The following ASF1B variants were observed in gnomAD, a reference collection of about 807,000 sequenced individuals.
The protein encoded by ASF1B is histone chaperone ASF1B.
In ASF1B, 10 loss-of-function variants were observed where a neutral mutation model predicts 16.6. That is an observed-to-expected ratio of 0.60 (90% CI 0.37 to 1.02). ASF1B has a LOEUF of 1.02. Ranked by LOEUF, ASF1B falls within the 50% of genes least tolerant of loss-of-function variation. The probability of loss-of-function intolerance (pLI) is 0.01; values close to 1 mark genes in which losing one functional copy is unlikely to be tolerated. For missense variants in ASF1B, 240 were observed against 266.0 expected, an observed-to-expected ratio of 0.90 and a Z score of 0.68; for synonymous variants, 101 against 106.2, an observed-to-expected ratio of 0.95 and a Z score of 0.30.
At chr19:14,134,651 G>C (rs192016560) in intron 1 of ASF1B, among the ~76,000 whole-genome samples, 11 of 152,288 alleles carry the variant, frequency 7.2e-5, no homozygotes, top group Non-Finnish European at 1.5e-4. Context: ...TTTTGGATTT[G>C]TACAGGCCTT....
chr19:14,125,026 G>T (rs187236301), intron 2 of ASF1B, among the ~76,000 whole-genome samples: 1 of 152,136 alleles, frequency 6.6e-6, no homozygotes, highest in South Asian at 2.1e-4. Flanking sequence ...GAGTGCACTG[G>T]TGCGATCTCA....
At chr19:14,134,386 C>T (rs1347941403) in intron 1 of ASF1B, among the ~76,000 whole-genome samples, 1 of 152,082 alleles carries the variant, frequency 6.6e-6, no homozygotes, top group African/African-American at 2.4e-5. Flanking sequence ...CACTGGCCTA[C>T]CCAAAGCACA....
chr19:14,133,486 GGT>G (rs1967437544), intron 1 of ASF1B, among the ~76,000 whole-genome samples: 1 of 151,818 alleles, frequency 6.6e-6, no homozygotes, highest in Admixed American at 6.6e-5. Flanking sequence ...TGGCCAAGAT[GGT>G]GAAACCCCGT....
At chr19:14,128,731 A>G (rs1176219853) in intron 1 of ASF1B, among the ~76,000 whole-genome samples, 2 of 152,166 alleles carry the variant, frequency 1.3e-5, no homozygotes, top group African/African-American at 4.8e-5. Flanking sequence ...AAGTGCTGGA[A>G]TTTGTCTGAG....
In ASF1B at chr19:14,119,986, C is replaced by T. The variant is rs1473832149; in HGVS notation, c.*473G>A. The stretch of plus-strand genomic sequence containing the variant: ...CAGAAATGGGATCTAAGTCTACCTA[C>T]TAACTAACATTCCCGCCTGTGACAC... On this transcript the variant is annotated 3_prime_UTR_variant, in exon 4 of 4. Transcript: ENST00000263382. 6.4e-6 allele frequency: 1 copy of T among 156,092 alleles called. No homozygotes were observed. Among genetic ancestry groups the T allele is most frequent in the Admixed American group, 6.5e-5 (1 of 15,312 alleles). 9.7% of individuals were successfully genotyped at this position (156,092 alleles called of 1,614,324 possible).
intron 2 of ASF1B, among the ~76,000 whole-genome samples, chr19:14,123,688 TAA>T (rs977498007): frequency 6.6e-6 from 1 of 152,072 alleles, no homozygotes; most frequent in African/African-American, 2.4e-5. Context: ...CTTCTTTTTT[TAA>T]AGAGATAGCT....
chr19:14,134,069 G>T (rs1317175595), intron 1 of ASF1B, among the ~76,000 whole-genome samples: 1 of 152,034 alleles, frequency 6.6e-6, no homozygotes, highest in Non-Finnish European at 1.5e-5. Context: ...CTCCCAAAGT[G>T]CTGGGATTAC....
chr19:14,120,574 G>C lies in ASF1B; in HGVS notation c.494C>G (p.Thr165Ser), dbSNP rs1967219711. 6.2e-7 allele frequency: 1 copy of C among 1,613,988 alleles called. No individual in the cohort carries two copies. Among genetic ancestry groups the C allele is most frequent in the African/African-American group, 1.3e-5 (1 of 74,904 alleles). Reference sequence around the variant, plus strand: ...GCCGCAGCCCAGGGAGGGGTCCTGGGTCTCTATGGCCTCCAGCCTGTCCAT... The same window carrying C: ...GCCGCAGCCCAGGGAGGGGTCCTGGCTCTCTATGGCCTCCAGCCTGTCCAT... The part of the protein sequence containing the change: ...NNMDRLEAIE[T>S]QDPSLGCGLP... Residue 165 changes from threonine to serine, a missense_variant, in exon 4 of 4, where the codon ACC becomes AGC. Thr to Ser is a moderately conservative substitution (Grantham distance 58, BLOSUM62 1). Transcript: ENST00000263382.
chr19:14,121,616 G>A lies in ASF1B; in HGVS notation c.318C>T (p.Phe106=), dbSNP rs1967238890. The A allele has an allele frequency of 6.2e-7, 1 of 1,613,920 alleles. No homozygotes were observed. The highest frequency in any genetic ancestry group is 1.3e-5 in the African/African-American group (1 of 74,878). ...LITCTYHGQE[F]IRVGYYVNNE... is the part of the protein sequence containing the mutation. ...TGTTGACGTAGTAGCCCACTCGGAT[G>A]AACTCCTGTCCATGGTAGGTGCAGG... Residue 106 remains phenylalanine, a synonymous_variant, in exon 3 of 4, where the codon TTC becomes TTT. Transcript: ENST00000263382.
intron 1 of ASF1B, among the ~76,000 whole-genome samples, chr19:14,128,328 C>T (rs927789325): frequency 6.6e-6 from 1 of 152,210 alleles, no homozygotes; most frequent in African/African-American, 2.4e-5. Context: ...GGCTTGTCAC[C>T]TGAGCCCCAT....
intron 1 of ASF1B, among the ~76,000 whole-genome samples, chr19:14,126,889 G>A (rs992667032): frequency 6.6e-6 from 1 of 152,188 alleles, no homozygotes; most frequent in Admixed American, 6.6e-5. Flanking sequence ...TTACAGGTGT[G>A]AGCCACTGCG....
At position 14,120,427 on chromosome 19, in the gene ASF1B, C is replaced by T. The variant is rs752467925; in HGVS notation, c.*32G>A. ...TCGCTGGGAGGCCTGGTTGCCCCTCCCGGCGTGCTGGGACACTCTGGGTTC... is the reference window on the plus strand; with the variant it reads ...TCGCTGGGAGGCCTGGTTGCCCCTCTCGGCGTGCTGGGACACTCTGGGTTC... On this transcript the variant is annotated 3_prime_UTR_variant, in exon 4 of 4. Transcript: ENST00000263382. 6.2e-7 allele frequency: 1 copy of T among 1,607,920 alleles called. No individual in the cohort carries two copies. The highest frequency in any genetic ancestry group is 1.1e-5 in the South Asian group (1 of 90,716).
intron 1 of ASF1B, among the ~76,000 whole-genome samples, chr19:14,130,664 T>A (rs773924619): frequency 6.6e-6 from 1 of 151,928 alleles, no homozygotes; most frequent in South Asian, 2.1e-4. Context: ...GCTGTACACA[T>A]GACGTGTGTA....
intron 3 of ASF1B, 58 bp from the exon 4 acceptor site, chr19:14,120,723 G>A: frequency 1.3e-6 from 2 of 1,540,648 alleles, no homozygotes; most frequent in East Asian, 2.3e-5. Flanking sequence ...TGGTCCCATA[G>A]AGCCAGGACA....
rs1967223979 is a variant in ASF1B, at chr19:14,120,808, C to A, written c.403-143G>T. The A allele has an allele frequency of 4.6e-6, 3 of 653,150 alleles. No individual in the cohort carries two copies. In the East Asian group the frequency reaches 9.0e-5, roughly 20 times the overall value. 40.5% of individuals were successfully genotyped at this position (653,150 alleles called of 1,614,324 possible). On this transcript the variant is annotated intron_variant, in intron 3 of 3. Coordinates refer to ENST00000263382, the MANE Select transcript of ASF1B (RefSeq NM_018154.3). ...TCCAGAAAACACCTGTGGCCAGGAC[C>A]TTATTTATTTATTTATTTATTTATT...
chr19:14,123,480 C>T (rs1341052022), intron 2 of ASF1B, among the ~76,000 whole-genome samples: 21 of 147,630 alleles, frequency 1.4e-4, no homozygotes, highest in Non-Finnish European at 2.2e-4. Context: ...CCCAGGTTCA[C>T]GCCATTCTCC....
intron 1 of ASF1B, among the ~76,000 whole-genome samples, chr19:14,127,219 C>A (rs1967331909): frequency 6.6e-6 from 1 of 152,248 alleles, no homozygotes; most frequent in Non-Finnish European, 1.5e-5. Context: ...GGAATTCTGT[C>A]TTGTAAGCCT....
At chr19:14,131,166 C>G (rs1474372491) in intron 1 of ASF1B, among the ~76,000 whole-genome samples, 1 of 151,132 alleles carries the variant, frequency 6.6e-6, no homozygotes, top group Non-Finnish European at 1.5e-5. Context: ...GGGTAAGCCA[C>G]TGTGCCTGGC....
Position 14,120,444 on chromosome 19 carries a change from T to C in ASF1B, c.*15A>G, listed in dbSNP as rs3745463. 208,464 of 1,611,348 alleles carry C rather than the reference T, an allele frequency of 0.13. 14,728 individuals carry two copies. The highest frequency in any genetic ancestry group is 0.21 in the East Asian group (9,206 of 44,814). ...TGCCCCTCCCGGCGTGCTGGGACAC[T>C]CTGGGTTCCTGCAGTTAGATGCAGT... On this transcript the variant is annotated 3_prime_UTR_variant, in exon 4 of 4. Transcript: ENST00000263382.
Sources: gnomAD v4.1 joint callset for allele counts (sites outside exome capture counted in the v4.1 genomes callset) on GRCh38, gnomAD v4.1.1 for gene constraint, MANE v1.5 for transcripts, NCBI Gene and HGNC (gene_info 2026-07-23, HGNC 2026-07-21) for gene names.